Variants in RDH14 observed in about 807,000 individuals in gnomAD.
RDH14 encodes the protein retinol dehydrogenase 14, also known as alcohol dehydrogenase PAN2.
A neutral mutation model predicts 19.3 loss-of-function variants in RDH14; 17 were observed. The ratio of observed to expected loss-of-function variants is 0.88; its 90% CI spans 0.60 to 1.32. The LOEUF is 1.32. RDH14 is among the 40% of genes most tolerant of loss of function. The pLI, the probability that RDH14 is intolerant of heterozygous loss-of-function variation, is 0.00. For missense variants in RDH14, 534 were observed against 449.2 expected, an observed-to-expected ratio of 1.19 and a Z score of -1.71; for synonymous variants, 215 against 188.9, an observed-to-expected ratio of 1.14 and a Z score of -1.13.
chr2:18,559,594 T>C (rs542341046), intron 1 of RDH14, among the ~76,000 whole-genome samples: 1 of 152,314 alleles, frequency 6.6e-6, no homozygotes, highest in East Asian at 1.9e-4. Context: ...TATTCCTGTC[T>C]CTGTATGGAG....
At position 18,555,195 on chromosome 2, in the gene RDH14, T is replaced by C. The variant is rs750203560; in HGVS notation, c.1007A>G (p.Lys336Arg). 6.2e-7 allele frequency: 1 copy of C among 1,612,710 alleles called. No individual in the cohort carries two copies. The highest frequency in any genetic ancestry group is 1.1e-5 in the South Asian group (1 of 91,026). The part of the protein sequence containing the change: ...DISEVMVGLL[K>R] ...CAGCTCTTTTACTCCTTGTTCCTAT[T>C]TTAGCAGGCCAACCATCACTTCACT... The change falls in exon 2 of 2, where the codon AAA becomes AGA. Residue 336 changes from lysine to arginine, a missense_variant. Lys to Arg is a conservative substitution (Grantham distance 26, BLOSUM62 2). Transcript: ENST00000381249.
chr2:18,560,134 C>A (rs1277481166), intron 1 of RDH14, 46 bp downstream of exon 1: 5 of 1,513,000 alleles, frequency 3.3e-6, no homozygotes, highest in African/African-American at 1.4e-5. Flanking sequence ...CCCTCCCACA[C>A]CGTGCCCAGG....
rs1558357854 is a variant in RDH14 at position 18,560,433 on chromosome 2, A to C, written c.140T>G (p.Leu47Arg). The change falls in exon 1 of 2, where the codon CTG (leucine) becomes CGG (arginine). Residue 47 changes from leucine to arginine, a missense_variant. By Grantham distance (102) the Leu-to-Arg change is moderately radical. Transcript: ENST00000381249. ...DPGLMHGKTV[L>R]ITGANSGLGR... ...CAGGCCGCTGTTCGCCCCGGTGATC[A>C]GCACAGTCTTCCCGTGCATGAGGCC... 3 of 1,510,470 alleles carry C rather than the reference A, an allele frequency of 2.0e-6. No individual in the cohort carries two copies. The highest frequency in any genetic ancestry group is 2.6e-6 in the Non-Finnish European group (3 of 1,138,136). 93.6% of individuals were successfully genotyped at this position (1,510,470 alleles called of 1,614,324 possible). A position where few individuals can be genotyped will look rare whatever the true frequency, so the allele number is the denominator to read the frequency against.
chr2:18,559,682 G>A (rs1469687108), intron 1 of RDH14, among the ~76,000 whole-genome samples: 1 of 152,104 alleles, frequency 6.6e-6, no homozygotes, highest in Admixed American at 6.5e-5. Flanking sequence ...TGAGTTTACT[G>A]GTGGCAGCGA....
At chr2:18,556,968 G>A (rs1268398510) in intron 1 of RDH14, among the ~76,000 whole-genome samples, 4 of 152,106 alleles carry the variant, frequency 2.6e-5, no homozygotes, top group African/African-American at 4.8e-5. Flanking sequence ...TGAATAAATC[G>A]AGATTCATAA....
chr2:18,556,209 A>G lies in RDH14; in HGVS notation c.394-401T>C, dbSNP rs146377734. Reference sequence around the variant, plus strand: ...CATTTACAAATATATAAACTTTAACATTGCATTAGAAAGTTGACTACGTGA... The same window carrying G: ...CATTTACAAATATATAAACTTTAACGTTGCATTAGAAAGTTGACTACGTGA... On this transcript the variant is annotated intron_variant, in intron 1 of 1. Coordinates refer to ENST00000381249, the MANE Select transcript of RDH14 (RefSeq NM_020905.4). Among the ~76,000 whole-genome samples the G allele has an allele frequency of 1.3e-3, 193 of 152,338 alleles. 2 individuals carry two copies. Among genetic ancestry groups the G allele is most frequent in the Admixed American group, 0.012 (182 of 15,302 alleles).
At chr2:18,560,145 C>A in intron 1 of RDH14, 35 bp downstream of exon 1, 1 of 1,516,576 alleles carries the variant, frequency 6.6e-7, no homozygotes, top group Non-Finnish European at 8.8e-7. Flanking sequence ...CGTGCCCAGG[C>A]CCTCCCCACC....
At position 18,560,526 on chromosome 2, in the gene RDH14, G is replaced by A; in HGVS notation, c.47C>T (p.Ala16Val). 6 of 1,508,930 alleles carry A rather than the reference G, an allele frequency of 4.0e-6. No individual in the cohort carries two copies. The highest frequency in any genetic ancestry group is 5.3e-6 in the Non-Finnish European group (6 of 1,136,894). 93.5% of individuals were successfully genotyped at this position (1,508,930 alleles called of 1,614,324 possible). The change falls in exon 1 of 2, where the codon GCG becomes GTG. Residue 16 changes from alanine to valine, a missense_variant. Ala to Val is a moderately conservative substitution (Grantham distance 64). Coordinates refer to ENST00000381249, the MANE Select transcript of RDH14 (RefSeq NM_020905.4). ...AAAVLAALGG[A>V]LWLAARRFVG... ...GAACCGGCGGGCCGCCAGCCACAGC[G>A]CCCCGCCCAGAGCGGCCAGTACTGC...
In RDH14 at chr2:18,560,562, G is replaced by C; in HGVS notation, c.11C>G (p.Ala4Gly). The C allele has an allele frequency of 6.7e-7, 1 of 1,487,762 alleles. No individual in the cohort carries two copies. The highest frequency in any genetic ancestry group is 8.9e-7 in the Non-Finnish European group (1 of 1,128,146). The allele number at this position is 1,487,762 out of a possible 1,614,324, so 92.2% of individuals were successfully genotyped here. Reference protein sequence around the residue: MAVATAAAVLAALG... With the variant: MAVGTAAAVLAALG... The stretch of plus-strand genomic sequence containing the variant: ...AGCGGCCAGTACTGCCGCCGCAGTG[G>C]CCACTGCCATCGTCAGGCCCGAGGG... Residue 4 changes from alanine to glycine, a missense_variant, in exon 1 of 2, where the codon GCC (alanine) becomes GGC (glycine). Coordinates refer to ENST00000381249, the MANE Select transcript of RDH14 (RefSeq NM_020905.4).
intron 1 of RDH14, among the ~76,000 whole-genome samples, chr2:18,556,484 GA>G (rs911684155): frequency 2.7e-5 from 4 of 150,942 alleles, no homozygotes; most frequent in Admixed American, 1.3e-4. Context: ...GAGAAAAATA[GA>G]AAAAAAAATA....
intron 1 of RDH14, among the ~76,000 whole-genome samples, 156 bp from the exon 2 acceptor site, chr2:18,555,964 A>C (rs1663906986): frequency 1.3e-5 from 2 of 152,214 alleles, no homozygotes. Context: ...AACTACTTGA[A>C]ACACTGGCAA....
intron 1 of RDH14, 138 bp downstream of exon 1, chr2:18,560,042 A>T: frequency 1.0e-6 from 1 of 958,940 alleles, no homozygotes; most frequent in Non-Finnish European, 1.4e-6. Context: ...GGCTTTTTGG[A>T]CTCCTCTCAG....
chr2:18,559,426 A>G (rs1338987210), intron 1 of RDH14, among the ~76,000 whole-genome samples: 1 of 152,240 alleles, frequency 6.6e-6, no homozygotes, highest in Non-Finnish European at 1.5e-5. Flanking sequence ...GTTGTAAAAC[A>G]GGGATGATAA....
In RDH14 at chr2:18,560,601, C is replaced by T; in HGVS notation, c.-29G>A. On this transcript the variant is annotated 5_prime_UTR_variant, in exon 1 of 2. Coordinates refer to ENST00000381249, the MANE Select transcript of RDH14 (RefSeq NM_020905.4). ...CAGGCCCGAGGGCCCACCGGCCCCT[C>T]CACGGGAGTTCCGCAGCCGCCGCCT... The T allele has an allele frequency of 7.2e-7, 1 of 1,394,726 alleles. No individual in the cohort carries two copies. The highest frequency in any genetic ancestry group is 9.2e-7 in the Non-Finnish European group (1 of 1,084,990). The allele number at this position is 1,394,726 out of a possible 1,614,324, so 86.4% of individuals were successfully genotyped here. A position where few individuals can be genotyped will look rare whatever the true frequency, so the allele number is the denominator to read the frequency against.
Position 18,555,173 on chromosome 2 carries a change from C to G in RDH14, c.*18G>C. 6.2e-7 allele frequency: 1 copy of G among 1,606,928 alleles called. No homozygotes were observed. The highest frequency in any genetic ancestry group is 8.5e-7 in the Non-Finnish European group (1 of 1,175,646). Reference sequence around the variant, plus strand: ...AACTGATATGCAGTTTTATAAACAGCTCTTTTACTCCTTGTTCCTATTTTA... The same window carrying G: ...AACTGATATGCAGTTTTATAAACAGGTCTTTTACTCCTTGTTCCTATTTTA... On this transcript the variant is annotated 3_prime_UTR_variant, in exon 2 of 2. Transcript: ENST00000381249.
In RDH14 at chr2:18,560,257, C is replaced by A. The variant is rs1366477127; in HGVS notation, c.316G>T (p.Val106Leu). The A allele has an allele frequency of 6.6e-7, 1 of 1,521,170 alleles. No homozygotes were observed. The highest frequency in any genetic ancestry group is 8.8e-7 in the Non-Finnish European group (1 of 1,140,962). 94.2% of individuals were successfully genotyped at this position (1,521,170 alleles called of 1,614,324 possible). A position where few individuals can be genotyped will look rare whatever the true frequency, so the allele number is the denominator to read the frequency against. The change falls in exon 1 of 2, where the codon GTG (valine) becomes TTG (leucine). Residue 106 changes from valine to leucine, a missense_variant. Transcript: ENST00000381249. ...ECGPEPGVSG[V>L]GELIVRELDL... ...AGCTCCCGGACTATGAGCTCGCCCA[C>A]CCCGCTGACGCCAGGCTCTGGGCCG...
In RDH14 at chr2:18,560,487, A is replaced by T. The variant is rs376806699; in HGVS notation, c.86T>A (p.Val29Asp). ...LAARRFVGPR[V>D]QRLRRGGDPG... is the part of the protein sequence containing the mutation. ...GTCCCCGCCTCTGCGCAGCCGCTGG[A>T]CCCTGGGCCCCACGAACCGGCGGGC... The change falls in exon 1 of 2, where the codon GTC (valine) becomes GAC (aspartate). Residue 29 changes from valine to aspartate, a missense_variant. Val to Asp is a radical substitution (Grantham distance 152). Transcript: ENST00000381249. The T allele has an allele frequency of 4.6e-6, 7 of 1,514,460 alleles. No individual in the cohort carries two copies. Among genetic ancestry groups the T allele is most frequent in the African/African-American group, 1.4e-5 (1 of 69,694 alleles). 93.8% of individuals were successfully genotyped at this position (1,514,460 alleles called of 1,614,324 possible).
In RDH14 at chr2:18,555,270, A is replaced by G; in HGVS notation, c.932T>C (p.Leu311Pro). 1.2e-6 allele frequency: 2 copies of G among 1,614,120 alleles called. No individual in the cohort carries two copies. Among genetic ancestry groups the G allele is most frequent in the African/African-American group, 2.7e-5 (2 of 75,046 alleles). Residue 311 changes from leucine (L) to proline (P), a missense_variant, in exon 2 of 2, where the codon CTG (leucine) becomes CCG (proline). By Grantham distance (98) the Leu-to-Pro change is moderately conservative. Transcript: ENST00000381249. ...RYFGDCKEEE[L>P]LPKAMDESVA... ...AGATTCATCCATAGCTTTGGGCAAC[A>G]GTTCTTCCTCTTTACAATCCCCAAA...
chr2:18,556,373 C>T (rs1663919753), intron 1 of RDH14, among the ~76,000 whole-genome samples: 1 of 152,024 alleles, frequency 6.6e-6, no homozygotes, highest in Admixed American at 6.6e-5. Flanking sequence ...ATACTGAGAT[C>T]ATATCAAAAT....
Sources: gnomAD v4.1 joint callset for allele counts (sites outside exome capture counted in the v4.1 genomes callset) on GRCh38, gnomAD v4.1.1 for gene constraint, MANE v1.5 for transcripts, NCBI Gene and HGNC (gene_info 2026-07-23, HGNC 2026-07-21) for gene names.